The following IDO2 variants were observed in gnomAD, a reference collection of about 807,000 sequenced individuals.
IDO2 encodes the protein indoleamine 2,3-dioxygenase-like 1 protein.
In IDO2, 46 loss-of-function variants were observed where a neutral mutation model predicts 45.1. That is an observed-to-expected ratio of 1.02 (90% CI 0.80 to 1.30). The LOEUF is 1.30. IDO2 is among the 50% of genes most tolerant of loss of function. The probability of loss-of-function intolerance (pLI) is 0.00; values close to 1 mark genes in which losing one functional copy is unlikely to be tolerated. For synonymous variants in IDO2, 218 were observed against 184.9 expected (o/e 1.18, Z -1.45); for missense variants, 544 against 491.8 (o/e 1.11, Z -1.00).
At chr8:39,991,153 A>C (rs1263107983) in intron 8 of IDO2, among the ~76,000 whole-genome samples, 1 of 152,218 alleles carries the variant, frequency 6.6e-6, no homozygotes, top group African/African-American at 2.4e-5. Context: ...GCCTCTCAGC[A>C]CTAGTAGAAA....
intron 4 of IDO2, 34 bp from the exon 5 acceptor site, chr8:39,982,618 G>A (rs771320904): frequency 1.5e-6 from 2 of 1,373,422 alleles, no homozygotes; most frequent in East Asian, 4.7e-5. Context: ...AAGCTTTCTA[G>A]AATATGCTAT....
chr8:40,014,804 G>A (rs1045838859), intron 10 of IDO2, among the ~76,000 whole-genome samples: 8 of 152,162 alleles, frequency 5.3e-5, no homozygotes, highest in African/African-American at 1.7e-4. Context: ...AAGGGCCAAG[G>A]TAGATTTGAG....
intron 5 of IDO2, chr8:39,984,842 C>T (rs1808400059): frequency 2.6e-6 from 1 of 390,004 alleles, no homozygotes; most frequent in African/African-American, 2.1e-5. Flanking sequence ...TAAGGCAAAT[C>T]CTAAAAGTTG....
chr8:39,990,386 A>C (rs1022335682), intron 8 of IDO2, among the ~76,000 whole-genome samples: 6 of 152,198 alleles, frequency 3.9e-5, no homozygotes, highest in African/African-American at 1.4e-4. Context: ...TTGAATAAAA[A>C]TTTTTAAACC....
At chr8:39,943,465 C>T (rs1212252215) in intron 1 of IDO2, among the ~76,000 whole-genome samples, 2 of 151,734 alleles carry the variant, frequency 1.3e-5, no homozygotes, top group African/African-American at 4.8e-5. Context: ...TGGCCGGGCG[C>T]GGTGGCTCAA....
In IDO2 at chr8:39,964,429, A is replaced by G. The variant is rs2543054; in HGVS notation, c.195+726A>G. Among the ~76,000 whole-genome samples, 469 of 152,334 alleles carry G rather than the reference A, an allele frequency of 3.1e-3. 1 individual carries two copies. Among genetic ancestry groups the G allele is most frequent in the African/African-American group, 0.011 (454 of 41,574 alleles). ...CCTTTTGTAGTTCTTGTCCTATAAT[A>G]GCATTCAGTATACATTCATTACTTC... On this transcript the variant is annotated intron_variant, in intron 3 of 10. Transcript: ENST00000502986.
intron 2 of IDO2, among the ~76,000 whole-genome samples, chr8:39,956,099 G>A (rs1807887475): frequency 7.2e-6 from 1 of 138,468 alleles, no homozygotes; most frequent in Non-Finnish European, 1.5e-5. Flanking sequence ...TTGCTCTGTT[G>A]CTCAGACTGG....
chr8:39,961,611 C>G (rs748429917), intron 2 of IDO2, among the ~76,000 whole-genome samples: 4 of 152,146 alleles, frequency 2.6e-5, no homozygotes, highest in African/African-American at 9.7e-5. Context: ...TATGAGCCAT[C>G]GTGCCCAGCC....
intron 2 of IDO2, among the ~76,000 whole-genome samples, chr8:39,949,703 A>G (rs1300769638): frequency 2.0e-5 from 3 of 152,194 alleles, no homozygotes; most frequent in African/African-American, 7.2e-5. Context: ...GCATGACTAC[A>G]TGTTTGTAAT....
intron 8 of IDO2, among the ~76,000 whole-genome samples, chr8:39,991,441 A>C (rs1382926978): frequency 6.6e-6 from 1 of 152,190 alleles, no homozygotes; most frequent in Non-Finnish European, 1.5e-5. Flanking sequence ...GGATGAGCAA[A>C]AGGAAGCAAT....
intron 8 of IDO2, among the ~76,000 whole-genome samples, chr8:39,993,160 C>A (rs1240211374): frequency 6.6e-6 from 1 of 152,114 alleles, no homozygotes; most frequent in Non-Finnish European, 1.5e-5. Context: ...CAGATCTGAG[C>A]TTTCTGACTC....
chr8:39,942,349 T>C (rs1207781832), intron 1 of IDO2, among the ~76,000 whole-genome samples: 1 of 152,118 alleles, frequency 6.6e-6, no homozygotes, highest in South Asian at 2.1e-4. Flanking sequence ...GAGTTAACAG[T>C]AGAAAAGTCC....
intron 2 of IDO2, among the ~76,000 whole-genome samples, chr8:39,951,405 A>G (rs998259078): frequency 7.3e-5 from 11 of 150,980 alleles, no homozygotes; most frequent in African/African-American, 2.7e-4. Flanking sequence ...AAGTGTCCCT[A>G]TTTGTTAGGT....
intron 2 of IDO2, among the ~76,000 whole-genome samples, chr8:39,955,826 T>C (rs907991453): frequency 6.6e-6 from 1 of 152,204 alleles, no homozygotes; most frequent in African/African-American, 2.4e-5. Context: ...TTTCTATATT[T>C]CTAGATTTTA....
chr8:39,963,462 C>T (rs757199316), intron 2 of IDO2, 146 bp from the exon 3 acceptor site: 1 of 597,312 alleles, frequency 1.7e-6, no homozygotes, highest in Admixed American at 3.1e-5. Context: ...GAGCACAGGG[C>T]CTAACTAGCA....
chr8:40,010,047 G>GT (rs11435188), intron 9 of IDO2, among the ~76,000 whole-genome samples: 108,210 of 151,832 alleles, frequency 0.71, 39,129 homozygotes, highest in African/African-American at 0.76. Context: ...TGGGTGGGGG[G>GT]ATGGACAATT....
chr8:39,951,871 C>T (rs900967694), intron 2 of IDO2, among the ~76,000 whole-genome samples: 5 of 152,156 alleles, frequency 3.3e-5, no homozygotes, highest in African/African-American at 1.2e-4. Flanking sequence ...TTGTTCTTTC[C>T]TCTTTCATAA....
At chr8:40,004,525 T>TAGATA (rs376224772) in intron 8 of IDO2, among the ~76,000 whole-genome samples, 8 of 144,518 alleles carry the variant, frequency 5.5e-5, no homozygotes, top group South Asian at 2.3e-4. Context: ...GACAGACAGA[T>TAGATA]GATAGATAGA....
intron 2 of IDO2, among the ~76,000 whole-genome samples, chr8:39,962,795 C>T (rs577053227): frequency 3.4e-4 from 52 of 152,178 alleles, no homozygotes; most frequent in African/African-American, 9.4e-4. Flanking sequence ...GTGGGTGTGC[C>T]CAAGCAAACC....
Sources: gnomAD v4.1 joint callset for allele counts (sites outside exome capture counted in the v4.1 genomes callset) on GRCh38, gnomAD v4.1.1 for gene constraint, MANE v1.5 for transcripts, NCBI Gene and HGNC (gene_info 2026-07-23, HGNC 2026-07-21) for gene names.